ADAM10: variants seen among roughly 807,000 people sequenced by gnomAD.
ADAM10 encodes the protein ADAM metallopeptidase domain 10.
In ADAM10, 17 loss-of-function variants were observed where a neutral mutation model predicts 90.1. That is an observed-to-expected ratio of 0.19 (90% CI 0.13 to 0.28). The LOEUF is 0.28. Among genes scored for constraint, ADAM10 ranks in the 10% least tolerant of loss-of-function variants. ADAM10 has a pLI of 1.00. For synonymous variants in ADAM10, 310 were observed against 298.6 expected, an observed-to-expected ratio of 1.04 and a Z score of -0.40; for missense variants, 610 against 914.3, an observed-to-expected ratio of 0.67 and a Z score of 4.29.
At chr15:58,676,167 C>A in intron 4 of ADAM10, 1 of 389,338 alleles carries the variant, frequency 2.6e-6, no homozygotes. Context: ...CCCCAGAAAT[C>A]CTTGAAGTAA....
intron 2 of ADAM10, among the ~76,000 whole-genome samples, chr15:58,715,188 G>A (rs1363813191): frequency 1.3e-5 from 2 of 152,034 alleles, no homozygotes; most frequent in Non-Finnish European, 2.9e-5. Context: ...TTGGGAGACC[G>A]AGGTGAGCGG....
At chr15:58,618,785 C>T (rs1365016924) in intron 11 of ADAM10, among the ~76,000 whole-genome samples, 6 of 151,800 alleles carry the variant, frequency 4.0e-5, no homozygotes, top group African/African-American at 1.5e-4. Flanking sequence ...ATCAGGGAAA[C>T]ACAAATCAAA....
At chr15:58,636,480 AAACTC>A (rs1896255851) in intron 8 of ADAM10, among the ~76,000 whole-genome samples, 1 of 152,242 alleles carries the variant, frequency 6.6e-6, no homozygotes, top group South Asian at 2.1e-4. Context: ...CCATTAACTC[AAACTC>A]AATTGCTATA....
At chr15:58,694,623 T>C (rs1333720499) in intron 2 of ADAM10, among the ~76,000 whole-genome samples, 3 of 151,718 alleles carry the variant, frequency 2.0e-5, no homozygotes, top group Admixed American at 6.6e-5. Flanking sequence ...TCCACACAAA[T>C]AACTGAACAC....
intron 1 of ADAM10, among the ~76,000 whole-genome samples, chr15:58,740,207 C>T (rs569406695): frequency 4.1e-4 from 63 of 152,142 alleles, no homozygotes; most frequent in African/African-American, 1.4e-3. Context: ...GTCTAGAGTT[C>T]GAGGCCAGCC....
chr15:58,598,746 A>C (rs1340536857), intron 15 of ADAM10, among the ~76,000 whole-genome samples: 1 of 152,236 alleles, frequency 6.6e-6, no homozygotes, highest in Non-Finnish European at 1.5e-5. Context: ...AGAGGGAACT[A>C]AACAATACGA....
At chr15:58,678,419 G>C (rs1225723863) in intron 4 of ADAM10, among the ~76,000 whole-genome samples, 1 of 152,102 alleles carries the variant, frequency 6.6e-6, no homozygotes, top group Non-Finnish European at 1.5e-5. Context: ...CAAAAATTGA[G>C]AGACTAGTCT....
chr15:58,727,191 TTTTTTTTTTTTTTTC>T (rs1306436307), intron 1 of ADAM10, among the ~76,000 whole-genome samples: 2 of 124,038 alleles, frequency 1.6e-5, no homozygotes, highest in Non-Finnish European at 3.3e-5. Context: ...TTTTTTTTTT[TTTTTTTTTTTTTTTC>T]CCAAAAACAG....
At chr15:58,655,675 TAC>T (rs1555414872) in intron 5 of ADAM10, among the ~76,000 whole-genome samples, 14 of 108,848 alleles carry the variant, frequency 1.3e-4, no homozygotes, top group Admixed American at 3.0e-4. Flanking sequence ...CATACATACA[TAC>T]ATATATATAT....
At chr15:58,711,945 C>G (rs1898487319) in intron 2 of ADAM10, among the ~76,000 whole-genome samples, 1 of 151,914 alleles carries the variant, frequency 6.6e-6, no homozygotes, top group Admixed American at 6.6e-5. Flanking sequence ...GGAGTGATCC[C>G]TTATGCTTCT....
chr15:58,644,896 C>T (rs1394094110), intron 6 of ADAM10, among the ~76,000 whole-genome samples: 1 of 152,122 alleles, frequency 6.6e-6, no homozygotes, highest in Non-Finnish European at 1.5e-5. Context: ...ATATAATAAA[C>T]ATACATTCAG....
intron 5 of ADAM10, among the ~76,000 whole-genome samples, chr15:58,655,742 C>CA (rs1896812720): frequency 1.3e-4 from 5 of 39,672 alleles, no homozygotes; most frequent in African/African-American, 5.1e-4. Context: ...TATATATATT[C>CA]TTTTTTTTTT....
intron 8 of ADAM10, among the ~76,000 whole-genome samples, chr15:58,635,643 T>C (rs879148562): frequency 6.6e-6 from 1 of 152,166 alleles, no homozygotes; most frequent in East Asian, 1.9e-4. Flanking sequence ...CTGTATATAA[T>C]AATTATTGTA....
chr15:58,620,173 C>T (rs1249938929), intron 11 of ADAM10, among the ~76,000 whole-genome samples: 1 of 151,646 alleles, frequency 6.6e-6, no homozygotes, highest in Non-Finnish European at 1.5e-5. Context: ...CCGTTTAAAA[C>T]ATATTGAACT....
intron 2 of ADAM10, among the ~76,000 whole-genome samples, chr15:58,696,457 TCTTTCTTTCTTTTTTTTTTTTTC>T (rs1897980918): frequency 6.8e-6 from 1 of 147,384 alleles, no homozygotes. Flanking sequence ...TTTCTTTTTT[TCTTTCTTTCTTTTTTTTTTTTTC>T]CCAAGATGAG....
chr15:58,633,425 A>G, intron 8 of ADAM10, 66 bp from the exon 9 acceptor site: 1 of 1,313,668 alleles, frequency 7.6e-7, no homozygotes, highest in Non-Finnish European at 1.1e-6. Flanking sequence ...AAGGTAATAC[A>G]TGCTATATTA....
At chr15:58,645,114 A>G (rs746040250) in intron 6 of ADAM10, among the ~76,000 whole-genome samples, 2 of 152,232 alleles carry the variant, frequency 1.3e-5, no homozygotes, top group African/African-American at 2.4e-5. Flanking sequence ...GTAAAAACAT[A>G]AACATAAAAC....
intron 2 of ADAM10, 42 bp downstream of exon 2, chr15:58,717,535 T>C: frequency 6.2e-7 from 1 of 1,611,904 alleles, no homozygotes. Flanking sequence ...TTAGATTGAA[T>C]ATAGAGGAAC....
chr15:58,638,353 C>T (rs2140682997), intron 8 of ADAM10, among the ~76,000 whole-genome samples: 1 of 152,202 alleles, frequency 6.6e-6, no homozygotes, highest in African/African-American at 2.4e-5. Context: ...TCTTGTTTCA[C>T]CTTTAAGAAG....
Sources: allele counts gnomAD v4.1 joint callset (sites outside exome capture counted in the v4.1 genomes callset), GRCh38; gene constraint gnomAD v4.1.1; transcripts MANE v1.5; gene names NCBI Gene and HGNC (gene_info 2026-07-23, HGNC 2026-07-21).